BSCL2: variants seen among roughly 807,000 people sequenced by gnomAD.
BSCL2 encodes BSCL2 lipid droplet biogenesis associated, seipin, also known as seipin.
BSCL2 carries 41 observed loss-of-function variants against 57.4 expected under a neutral mutation model. The ratio of observed to expected loss-of-function variants is 0.71; its 90% confidence interval spans 0.56 to 0.93. The LOEUF (loss-of-function observed/expected upper bound fraction) is 0.93, where lower values mean the gene tolerates loss of function less well. BSCL2 is among the 40% of genes least tolerant of loss of function. The pLI is 0.00. For synonymous variants in BSCL2, 237 were observed against 227.3 expected (o/e 1.04, Z -0.38); for missense variants, 539 against 586.7 (o/e 0.92, Z 0.84).
intron 3 of BSCL2, among the ~76,000 whole-genome samples, chr11:62,697,222 G>A (rs1012137094): frequency 2.6e-5 from 4 of 151,086 alleles, no homozygotes; most frequent in African/African-American, 4.9e-5. Context: ...GTGAAACCCT[G>A]TCTCTACTGA....
intron 4 of BSCL2, among the ~76,000 whole-genome samples, chr11:62,693,688 G>A (rs1274496619): frequency 2.0e-5 from 3 of 152,138 alleles, no homozygotes; most frequent in Non-Finnish European, 4.4e-5. Context: ...ACAAGCCCAT[G>A]TCTGTCTGGC....
chr11:62,690,456 AAGCAGGAGCAGG>A lies in BSCL2; in HGVS notation c.1288_1299del (p.Pro430_Ala433del), dbSNP rs771054711. 1 of 1,614,114 alleles carries A rather than the reference AAGCAGGAGCAGG, an allele frequency of 6.2e-7. No individual in the cohort carries two copies. The highest frequency in any genetic ancestry group is 2.2e-5 in the East Asian group (1 of 44,888). On this transcript the variant is annotated inframe_deletion, in exon 11 of 11. Transcript: ENST00000360796. ...GTCTCTAGGACAGGGGCAGAAGCAG[AAGCAGGAGCAGG>A]AGCAGGCAGGTTGGCCTCCGTCAGC... is the stretch of plus-strand genomic sequence containing the variant.
At position 62,707,237 on chromosome 11, in the gene BSCL2, T is replaced by C; in HGVS notation, c.-42A>G. ...TGTTGACTCTGGATCTTCCACTGAG[T>C]CACTTGTGGCTAAAACGTGAAGTGG... On this transcript the variant is annotated 5_prime_UTR_variant, in exon 1 of 11. Coordinates refer to ENST00000360796, the MANE Select transcript of BSCL2 (RefSeq NM_001122955.4). The C allele has an allele frequency of 6.6e-7, 1 of 1,519,990 alleles. No homozygotes were observed. The allele number at this position is 1,519,990 out of a possible 1,614,324, so 94.2% of individuals were successfully genotyped here.
intron 3 of BSCL2, among the ~76,000 whole-genome samples, chr11:62,697,792 T>TG (rs1945515616): frequency 7.5e-6 from 1 of 133,806 alleles, no homozygotes; most frequent in African/African-American, 2.9e-5. Context: ...AGACTCTGTA[T>TG]CAAAAAAAAA....
rs1264900374 is a variant in BSCL2 at position 62,690,424 on chromosome 11, G to A, written c.1332C>T (p.Gly444=). 1 of 1,614,184 alleles carries A rather than the reference G, an allele frequency of 6.2e-7. No homozygotes were observed. The highest frequency in any genetic ancestry group is 8.5e-7 in the Non-Finnish European group (1 of 1,180,032). ...GAGCACCCCCAGCAGGTTCAGAGCTGCCCAGAGTCTCTAGGACAGGGGCAG... is the reference window on the plus strand; with the variant it reads ...GAGCACCCCCAGCAGGTTCAGAGCTACCCAGAGTCTCTAGGACAGGGGCAG... ...SASAPVLETL[G]SSEPAGGALR... Residue 444 remains glycine, a synonymous_variant, in exon 11 of 11, where the codon GGC becomes GGT. Coordinates refer to ENST00000360796, the MANE Select transcript of BSCL2 (RefSeq NM_001122955.4).
chr11:62,709,291 C>T (rs1474467940), upstream of BSCL2: 3 of 454,032 alleles, frequency 6.6e-6, no homozygotes, highest in Non-Finnish European at 1.3e-5. Context: ...TCAATGCAGG[C>T]TAGACATCGT....
At chr11:62,693,390 G>A (rs1040610636) in intron 4 of BSCL2, among the ~76,000 whole-genome samples, 2 of 152,132 alleles carry the variant, frequency 1.3e-5, no homozygotes, top group African/African-American at 2.4e-5. Context: ...TGTAGTCCCA[G>A]CTACTTGAGA....
In BSCL2 at chr11:62,694,794, C is replaced by T. The variant is rs555355533; in HGVS notation, c.487-83G>A. The T allele has an allele frequency of 2.1e-3, 3,099 of 1,485,480 alleles. 6 individuals are homozygous for T. Among genetic ancestry groups the T allele is most frequent in the Non-Finnish European group, 2.4e-3 (2,621 of 1,092,348 alleles). 92.0% of individuals were successfully genotyped at this position (1,485,480 alleles called of 1,614,324 possible). A position where few individuals can be genotyped will look rare whatever the true frequency, so the allele number is the denominator to read the frequency against. On this transcript the variant is annotated intron_variant, in intron 3 of 10. Transcript: ENST00000360796. ...TCTATTCCACCTCCCTCTTAGCCCC[C>T]GCAACGCCCCCAAATACTCAGCCAC...
At position 62,706,230 on chromosome 11, in the gene BSCL2, C is replaced by T. The variant is rs112877243; in HGVS notation, c.88-613G>A. 2,514 of 1,076,894 alleles carry T rather than the reference C, an allele frequency of 2.3e-3. 50 individuals carry two copies. The African/African-American group carries it at 0.04, about 17-fold the overall frequency. 66.7% of individuals were successfully genotyped at this position (1,076,894 alleles called of 1,614,324 possible). On this transcript the variant is annotated intron_variant, in intron 1 of 10. Transcript: ENST00000360796. ...AATCGTGCAACCATGGAAACCAGCC[C>T]GCCGGCTGCCACAGGGCTGCCGACT...
upstream of BSCL2, chr11:62,707,641 C>G: frequency 2.1e-6 from 1 of 472,410 alleles, no homozygotes; most frequent in South Asian, 2.1e-5. Context: ...CCCCACTGGC[C>G]AGGCAGTTGG....
Position 62,707,276 on chromosome 11 carries a change from G to A in BSCL2, c.-81C>T, listed in dbSNP as rs2083557149. ...AACGTGAAGTGGCGATCCAGACGCT[G>A]ATACCTGTGGCGCATCACATTTTCC... On this transcript the variant is annotated 5_prime_UTR_variant, in exon 1 of 11. It introduces an in-frame stop codon into an upstream open reading frame of the 5' UTR. Coordinates refer to ENST00000360796, the MANE Select transcript of BSCL2 (RefSeq NM_001122955.4). The A allele has an allele frequency of 2.5e-6, 3 of 1,196,546 alleles. No individual in the cohort carries two copies. Among genetic ancestry groups the A allele is most frequent in the African/African-American group, 3.0e-5 (2 of 66,140 alleles). The allele number at this position is 1,196,546 out of a possible 1,614,324, so 74.1% of individuals were successfully genotyped here.
intron 2 of BSCL2, among the ~76,000 whole-genome samples, 173 bp from the exon 3 acceptor site, chr11:62,702,722 G>A (rs894818243): frequency 2.0e-5 from 3 of 151,992 alleles, no homozygotes; most frequent in Admixed American, 6.6e-5. Flanking sequence ...AAGATACCAG[G>A]ATTATTTCAT....
chr11:62,692,776 C>G lies in BSCL2; in HGVS notation c.652G>C (p.Asp218His), dbSNP rs1214983112. The G allele has an allele frequency of 1.2e-6, 2 of 1,613,856 alleles. No individual in the cohort carries two copies. The highest frequency in any genetic ancestry group is 8.5e-7 in the Non-Finnish European group (1 of 1,180,024). The change falls in exon 5 of 11, where the codon GAC becomes CAC. Residue 218 changes from aspartate (D) to histidine (H), a missense_variant. Asp to His is a moderately conservative substitution (Grantham distance 81, BLOSUM62 -1). Transcript: ENST00000360796. The stretch of plus-strand genomic sequence containing the variant: ...AGTGTGTCCAGCATCTGGAGCAGGT[C>G]TGAGCGGTAATGCAGCATCACCTGC... ...SRSVMLHYRS[D>H]LLQMLDTLVF...
upstream of BSCL2, chr11:62,708,530 G>A (rs769046704): frequency 5.4e-5 from 69 of 1,272,822 alleles, no homozygotes; most frequent in Non-Finnish European, 6.4e-5. Context: ...TCTGTAGAGA[G>A]AGCTGTCCCC....
upstream of BSCL2, chr11:62,708,557 T>A (rs1319594847): frequency 2.1e-6 from 3 of 1,414,656 alleles, no homozygotes; most frequent in Middle Eastern, 4.7e-4. Flanking sequence ...CTGGGGGGGA[T>A]GAGGGAGAAG....
intron 1 of BSCL2, chr11:62,706,324 T>C (rs949961004): frequency 9.2e-5 from 104 of 1,125,676 alleles, no homozygotes; most frequent in Non-Finnish European, 1.1e-4. Context: ...GTCCCGCCCC[T>C]CTCCGCCGGC....
upstream of BSCL2, chr11:62,709,371 T>TA (rs1373637169): frequency 1.3e-5 from 6 of 453,326 alleles, no homozygotes; most frequent in East Asian, 3.5e-4. Context: ...AAGAATTAAG[T>TA]ACAAAAGACG....
In BSCL2 at chr11:62,692,398, G is replaced by A. The variant is rs1945336194; in HGVS notation, c.841C>T (p.His281Tyr). Residue 281 changes from histidine to tyrosine, a missense_variant, in exon 6 of 11, where the codon CAC becomes TAC. This residue lies in a region of BSCL2 where 248 missense variants were observed against 239.9 expected (regional missense o/e 1.03). Transcript: ENST00000360796. ...IQLYGAYLRI[H>Y]AHFTGLRYLL... ...CACCTGAGCCCAGTGAAGTGCGCGT[G>A]GATGCGGAGGTAGGCTCCATACAGC... is the stretch of plus-strand genomic sequence containing the variant. The A allele has an allele frequency of 1.2e-6, 2 of 1,614,044 alleles. No individual in the cohort carries two copies. Among genetic ancestry groups the A allele is most frequent in the South Asian group, 1.1e-5 (1 of 91,090 alleles).
chr11:62,704,575 AAAC>A (rs1945759070), intron 2 of BSCL2, among the ~76,000 whole-genome samples: 1 of 151,286 alleles, frequency 6.6e-6, no homozygotes, highest in South Asian at 2.1e-4. Context: ...AAACAAAAAA[AAAC>A]CCATCTCTAC....
Sources: gnomAD v4.1 joint callset for allele counts (sites outside exome capture counted in the v4.1 genomes callset) on GRCh38, gnomAD v4.1.1 for gene constraint, gnomAD v4.1.1 regional missense constraint, MANE v1.5 for transcripts, NCBI Gene and HGNC (gene_info 2026-07-23, HGNC 2026-07-21) for gene names.